Variants in MDGA2 observed in about 807,000 individuals in gnomAD.
MDGA2 encodes the protein MAM domain-containing glycosylphosphatidylinositol anchor protein 2.
MDGA2 carries 40 observed loss-of-function variants against 117.8 expected under a neutral mutation model. The observed-to-expected ratio is 0.34, with a 90% confidence interval of 0.26 to 0.44. The LOEUF (loss-of-function observed/expected upper bound fraction) is 0.44, where lower values mean the gene tolerates loss of function less well. Among genes scored for constraint, MDGA2 ranks in the 20% least tolerant of loss-of-function variants. MDGA2 has a pLI of 1.00. For synonymous variants in MDGA2, 452 were observed against 439.0 expected (o/e 1.03, Z -0.37); for missense variants, 1,123 against 1,250.6 (o/e 0.90, Z 1.54).
chr14:46,842,626 C>G (rs1265086916), intron 16 of MDGA2, among the ~76,000 whole-genome samples: 1 of 152,184 alleles, frequency 6.6e-6, no homozygotes, highest in Non-Finnish European at 1.5e-5. Context: ...GAAAGTCCTA[C>G]TGTAATTGGG....
At chr14:47,652,823 T>C (rs1230879906) in intron 1 of MDGA2, among the ~76,000 whole-genome samples, 1 of 152,078 alleles carries the variant, frequency 6.6e-6, no homozygotes, top group Non-Finnish European at 1.5e-5. Context: ...AAAGAAAACA[T>C]ATCACTTTTA....
chr14:47,119,168 AGC>A (rs1566635244), intron 5 of MDGA2, among the ~76,000 whole-genome samples: 2 of 8,558 alleles, frequency 2.3e-4, no homozygotes, highest in Non-Finnish European at 1.1e-3. Flanking sequence ...CTCCTGCCTC[AGC>A]CCCGCCCCCC....
intron 2 of MDGA2, among the ~76,000 whole-genome samples, chr14:47,224,537 G>C (rs1405097786): frequency 6.6e-6 from 1 of 152,138 alleles, no homozygotes; most frequent in Non-Finnish European, 1.5e-5. Flanking sequence ...ATGAGGATTT[G>C]TACACTGAAG....
At chr14:47,032,227 A>G (rs1399672746) in intron 8 of MDGA2, among the ~76,000 whole-genome samples, 1 of 152,194 alleles carries the variant, frequency 6.6e-6, no homozygotes, top group Non-Finnish European at 1.5e-5. Context: ...TTAATAGTCC[A>G]TATTAATATT....
At chr14:47,081,333 T>C in intron 6 of MDGA2, among the ~76,000 whole-genome samples, 1 of 152,116 alleles carries the variant, frequency 6.6e-6, no homozygotes, top group Non-Finnish European at 1.5e-5. Flanking sequence ...AATGATAAGA[T>C]GTCTCTAAGT....
chr14:47,019,724 G>C (rs896869451), intron 8 of MDGA2, among the ~76,000 whole-genome samples: 3 of 151,652 alleles, frequency 2.0e-5, no homozygotes, highest in Non-Finnish European at 4.4e-5. Flanking sequence ...GGCGCCTGTA[G>C]TCCCAGCTAC....
intron 5 of MDGA2, among the ~76,000 whole-genome samples, chr14:47,122,524 C>T (rs1013120502): frequency 5.9e-5 from 9 of 151,880 alleles, no homozygotes; most frequent in Admixed American, 3.9e-4. Flanking sequence ...TCCTAGTATT[C>T]GGAGTGAATA....
At chr14:47,241,183 C>T (rs193183054) in intron 2 of MDGA2, among the ~76,000 whole-genome samples, 74 of 151,924 alleles carry the variant, frequency 4.9e-4, no homozygotes, top group African/African-American at 1.7e-3. Flanking sequence ...ACAAGTGTAA[C>T]TAATTCAACT....
At chr14:47,076,502 A>G (rs1890496770) in intron 6 of MDGA2, among the ~76,000 whole-genome samples, 1 of 151,778 alleles carries the variant, frequency 6.6e-6, no homozygotes, top group African/African-American at 2.4e-5. Context: ...ACATTTTATC[A>G]GGTTACGATG....
At chr14:47,296,643 T>C (rs1158613830) in intron 2 of MDGA2, among the ~76,000 whole-genome samples, 2 of 152,142 alleles carry the variant, frequency 1.3e-5, no homozygotes, top group Non-Finnish European at 2.9e-5. Flanking sequence ...TACACTGCCG[T>C]TGAGAAAGCA....
rs552767192 is a variant in MDGA2, at chr14:47,083,059, A to G, written c.1195+13795T>C. Among the ~76,000 whole-genome samples, 7 of 152,092 alleles carry G rather than the reference A, an allele frequency of 4.6e-5. No homozygotes were observed. In the East Asian group the frequency reaches 1.4e-3, roughly 29 times the overall value. On this transcript the variant is annotated intron_variant, in intron 6 of 16. Coordinates refer to ENST00000399232, the MANE Select transcript of MDGA2 (RefSeq NM_001113498.3). ...AGATGGAGAAGAACAAGGAGGAAAA[A>G]TTAGGACAGAGCACAAAATACGTAA...
At chr14:46,892,703 T>C (rs532644379) in intron 10 of MDGA2, among the ~76,000 whole-genome samples, 26 of 151,676 alleles carry the variant, frequency 1.7e-4, no homozygotes, top group African/African-American at 4.8e-4. Context: ...CAAAAGACAA[T>C]AGATATTTCT....
chr14:47,048,316 T>C (rs923608442), intron 7 of MDGA2, among the ~76,000 whole-genome samples: 1 of 152,080 alleles, frequency 6.6e-6, no homozygotes, highest in Non-Finnish European at 1.5e-5. Context: ...CCATAAATTA[T>C]ACATCAAAGG....
intron 5 of MDGA2, among the ~76,000 whole-genome samples, chr14:47,121,822 C>G (rs777794033): frequency 2.6e-5 from 4 of 151,986 alleles, no homozygotes; most frequent in Non-Finnish European, 5.9e-5. Flanking sequence ...GTGACTTTTT[C>G]TACTAGAAAT....
chr14:47,031,519 C>T (rs1888665609), intron 8 of MDGA2, among the ~76,000 whole-genome samples: 1 of 152,062 alleles, frequency 6.6e-6, no homozygotes, highest in African/African-American at 2.4e-5. Context: ...ATGTAATAAA[C>T]ATCTTATGGA....
At chr14:47,243,385 C>T (rs559924076) in intron 2 of MDGA2, among the ~76,000 whole-genome samples, 1 of 151,688 alleles carries the variant, frequency 6.6e-6, no homozygotes, top group Admixed American at 6.6e-5. Flanking sequence ...CTGCCCAAGC[C>T]AGCATTGGCA....
At chr14:47,157,368 T>C (rs902839487) in intron 3 of MDGA2, among the ~76,000 whole-genome samples, 3 of 152,182 alleles carry the variant, frequency 2.0e-5, no homozygotes, top group African/African-American at 7.2e-5. Flanking sequence ...ATCCATTGCA[T>C]CTTCAATAAG....
At chr14:47,473,775 C>T (rs962373658) in intron 1 of MDGA2, among the ~76,000 whole-genome samples, 2 of 152,048 alleles carry the variant, frequency 1.3e-5, no homozygotes, top group East Asian at 1.9e-4. Flanking sequence ...TTCAATATCC[C>T]TTCATGTTAA....
intron 1 of MDGA2, among the ~76,000 whole-genome samples, chr14:47,392,634 C>T (rs1445618292): frequency 6.6e-6 from 1 of 152,102 alleles, no homozygotes; most frequent in African/African-American, 2.4e-5. Flanking sequence ...GGAACCTTGT[C>T]AGGAAGCAAG....
Sources: allele counts gnomAD v4.1 joint callset (sites outside exome capture counted in the v4.1 genomes callset), GRCh38; gene constraint gnomAD v4.1.1; transcripts MANE v1.5; gene names NCBI Gene and HGNC (gene_info 2026-07-23, HGNC 2026-07-21).